The following ACKR3 variants were observed in gnomAD, a reference collection of about 807,000 sequenced individuals.
ACKR3 encodes C-X-C chemokine receptor type 7.
A neutral mutation model predicts 22.4 loss-of-function variants in ACKR3; 6 were observed. That is an observed-to-expected ratio of 0.27 (90% CI 0.15 to 0.53). ACKR3 has a LOEUF of 0.53. Ranked by LOEUF, ACKR3 falls within the 20% of genes least tolerant of loss-of-function variation. The pLI, the probability that ACKR3 is intolerant of heterozygous loss-of-function variation, is 0.96. For synonymous variants in ACKR3, 209 were observed against 205.2 expected (o/e 1.02, Z -0.16); for missense variants, 396 against 475.2 (o/e 0.83, Z 1.55).
At chr2:236,578,237 T>G (rs904927090) in intron 1 of ACKR3, among the ~76,000 whole-genome samples, 2 of 152,146 alleles carry the variant, frequency 1.3e-5, no homozygotes, top group African/African-American at 2.4e-5. Flanking sequence ...CAGGACAGGG[T>G]GTCCTCAGCT....
chr2:236,539,423 C>G, the ACKR3 span, among the ~76,000 whole-genome samples: 1 of 151,384 alleles, frequency 6.6e-6, no homozygotes, highest in African/African-American at 2.4e-5. Context: ...AGCAATTCTC[C>G]TGCCTCAGCC....
chr2:236,572,058 A>C (rs541721866), intron 1 of ACKR3, among the ~76,000 whole-genome samples: 1 of 152,358 alleles, frequency 6.6e-6, no homozygotes, highest in East Asian at 1.9e-4. Flanking sequence ...GGAAAAGACA[A>C]AGCTCCAGGA....
At chr2:236,544,640 G>T in the ACKR3 span, among the ~76,000 whole-genome samples, 1 of 152,212 alleles carries the variant, frequency 6.6e-6, no homozygotes, top group East Asian at 1.9e-4. This position sits in a 1 kb window ranked among gnomAD's most constrained non-coding sequence, Gnocchi z 5.0. Context: ...TGTTGAAGAC[G>T]AAGGCAGAAT....
chr2:236,557,624 G>T, the ACKR3 span, among the ~76,000 whole-genome samples: 1 of 152,172 alleles, frequency 6.6e-6, no homozygotes, highest in South Asian at 2.1e-4. Context: ...TAAACCACAA[G>T]TTCATACAGA....
chr2:236,566,063 A>G (rs954017443), upstream of ACKR3, among the ~76,000 whole-genome samples: 15 of 152,222 alleles, frequency 9.9e-5, no homozygotes, highest in Non-Finnish European at 1.8e-4. Context: ...CGGGGCTCCC[A>G]GATCACAGAC....
At chr2:236,554,627 T>G in the ACKR3 span, among the ~76,000 whole-genome samples, 11 of 152,130 alleles carry the variant, frequency 7.2e-5, no homozygotes, top group Non-Finnish European at 1.3e-4. Context: ...AAGCTGTTCA[T>G]GGGGAAGTGT....
At chr2:236,576,746 C>A (rs1426277733) in intron 1 of ACKR3, among the ~76,000 whole-genome samples, 1 of 152,230 alleles carries the variant, frequency 6.6e-6, no homozygotes, top group African/African-American at 2.4e-5. Flanking sequence ...CACGGCAGTT[C>A]CCTATTTTGA....
At chr2:236,549,788 A>C in the ACKR3 span, among the ~76,000 whole-genome samples, 2 of 152,182 alleles carry the variant, frequency 1.3e-5, no homozygotes, top group East Asian at 1.9e-4. This position sits in a 1 kb window ranked among gnomAD's most constrained non-coding sequence, Gnocchi z 5.3. Flanking sequence ...AGCCCTGTAC[A>C]TCCCTGGGAA....
the ACKR3 span, among the ~76,000 whole-genome samples, chr2:236,558,845 A>G: frequency 2.0e-5 from 3 of 152,250 alleles, no homozygotes; most frequent in African/African-American, 7.2e-5. Flanking sequence ...CGAAAAAAAT[A>G]TAACTATTAG....
chr2:236,575,058 GA>G (rs1221360848), intron 1 of ACKR3, among the ~76,000 whole-genome samples: 2 of 151,988 alleles, frequency 1.3e-5, no homozygotes, highest in Non-Finnish European at 2.9e-5. Context: ...CAAGCGCTGG[GA>G]AAAAGGGAAT....
chr2:236,543,417 G>C, the ACKR3 span, among the ~76,000 whole-genome samples: 1 of 152,232 alleles, frequency 6.6e-6, no homozygotes, highest in African/African-American at 2.4e-5. Context: ...AGGCCACTCT[G>C]CAGGAGGTGG....
upstream of ACKR3, among the ~76,000 whole-genome samples, chr2:236,564,341 T>C (rs1392574491): frequency 6.6e-6 from 1 of 152,250 alleles, no homozygotes; most frequent in Non-Finnish European, 1.5e-5. Context: ...CTGCTCCCAC[T>C]CTGTGGAGTG....
upstream of ACKR3, among the ~76,000 whole-genome samples, chr2:236,565,220 G>A (rs569296745): frequency 6.6e-6 from 1 of 152,086 alleles, no homozygotes; most frequent in South Asian, 2.1e-4. Context: ...TAGAATAGAA[G>A]GCTCTATTAT....
chr2:236,537,791 C>T, the ACKR3 span, among the ~76,000 whole-genome samples: 2 of 152,252 alleles, frequency 1.3e-5, no homozygotes, highest in African/African-American at 4.8e-5. Context: ...GTGCTCTCTT[C>T]CACCGCCTTT....
the ACKR3 span, among the ~76,000 whole-genome samples, chr2:236,538,110 G>A: frequency 2.6e-5 from 4 of 151,852 alleles, no homozygotes; most frequent in African/African-American, 9.7e-5. Flanking sequence ...AGCGTGAAAA[G>A]CAATATACAT....
the ACKR3 span, among the ~76,000 whole-genome samples, chr2:236,548,975 A>G: frequency 6.6e-6 from 1 of 152,224 alleles, no homozygotes; most frequent in Non-Finnish European, 1.5e-5. The surrounding 1 kb of genome is among the most constrained non-coding windows in gnomAD (Gnocchi z 4.3). Flanking sequence ...TAACTTGAGC[A>G]TCTTTTGGTC....
At chr2:236,547,129 G>C in the ACKR3 span, among the ~76,000 whole-genome samples, 1 of 152,198 alleles carries the variant, frequency 6.6e-6, no homozygotes, top group African/African-American at 2.4e-5. Context: ...GATGACAGGT[G>C]GTTGTGAGAC....
At chr2:236,542,549 T>G in the ACKR3 span, among the ~76,000 whole-genome samples, 1 of 152,184 alleles carries the variant, frequency 6.6e-6, no homozygotes, top group Non-Finnish European at 1.5e-5. Context: ...GGAATCCAGC[T>G]AAGAACAACC....
chr2:236,541,341 C>A, the ACKR3 span, among the ~76,000 whole-genome samples: 1 of 152,138 alleles, frequency 6.6e-6, no homozygotes, highest in African/African-American at 2.4e-5. Context: ...TACCAAAGAA[C>A]GTGTGGTTCA....
Sources: gnomAD v4.1 joint callset for allele counts (sites outside exome capture counted in the v4.1 genomes callset) on GRCh38, gnomAD v4.1.1 for gene constraint, Gnocchi (gnomAD v3.1) non-coding constraint, MANE v1.5 for transcripts, NCBI Gene and HGNC (gene_info 2026-07-23, HGNC 2026-07-21) for gene names.